Variants in FSHR observed in about 807,000 individuals in gnomAD.
The protein encoded by FSHR is follicle-stimulating hormone receptor.
A neutral mutation model predicts 52.1 loss-of-function variants in FSHR; 46 were observed. That is an observed-to-expected ratio of 0.88 (90% CI 0.70 to 1.13). The LOEUF is 1.13. FSHR is among the 50% of genes most tolerant of loss of function. The probability of loss-of-function intolerance (pLI) is 0.00; values close to 1 mark genes in which losing one functional copy is unlikely to be tolerated. For missense variants in FSHR, 964 were observed against 834.6 expected (o/e 1.16, Z -1.91); for synonymous variants, 399 against 309.6 (o/e 1.29, Z -3.03).
chr2:49,149,136 A>G (rs1672971763), intron 1 of FSHR, among the ~76,000 whole-genome samples: 1 of 152,062 alleles, frequency 6.6e-6, no homozygotes, highest in South Asian at 2.1e-4. Context: ...GGTAACCAGA[A>G]AAGTTTGAAA....
chr2:48,992,972 C>T (rs923924494), intron 4 of FSHR, among the ~76,000 whole-genome samples: 1 of 152,150 alleles, frequency 6.6e-6, no homozygotes, highest in Admixed American at 6.5e-5. Flanking sequence ...TATTAGGCCT[C>T]TCTGGATCAT....
intron 8 of FSHR, among the ~76,000 whole-genome samples, chr2:48,976,779 T>G (rs1199059772): frequency 1.3e-5 from 2 of 152,222 alleles, no homozygotes; most frequent in Non-Finnish European, 2.9e-5. Flanking sequence ...TAGAGGTGTT[T>G]ATAGTATTCT....
chr2:49,114,836 G>A (rs1323084059), intron 1 of FSHR, among the ~76,000 whole-genome samples: 1 of 152,038 alleles, frequency 6.6e-6, no homozygotes, highest in African/African-American at 2.4e-5. Flanking sequence ...GCTCAGAGAT[G>A]AATATTGTTA....
Position 49,044,618 on chromosome 2 carries a change from G to C in FSHR, c.224+23601C>G, listed in dbSNP as rs182163029. ...GAAATGCTACTGGGCCTTGGCTGGA[G>C]GGGAAAGGAGCAAAGAAAGTCTGTT... On this transcript the variant is annotated intron_variant, in intron 2 of 9. Transcript: ENST00000406846. 2.5e-3 allele frequency among the ~76,000 whole-genome samples: 383 copies of C among 152,226 alleles called. 1 individual carries two copies. The highest frequency in any genetic ancestry group is 4.5e-3 in the Non-Finnish European group (303 of 68,024).
intron 4 of FSHR, among the ~76,000 whole-genome samples, chr2:49,000,994 A>G (rs1666861899): frequency 6.6e-6 from 1 of 152,174 alleles, no homozygotes; most frequent in African/African-American, 2.4e-5. Context: ...TGTAGCACAT[A>G]CCTGACAAAG....
At chr2:49,053,956 G>C (rs1668962165) in intron 2 of FSHR, among the ~76,000 whole-genome samples, 1 of 152,186 alleles carries the variant, frequency 6.6e-6, no homozygotes, top group South Asian at 2.1e-4. Context: ...ATTAGTATTA[G>C]AGAAGTTGAA....
intron 9 of FSHR, among the ~76,000 whole-genome samples, chr2:48,964,910 AG>A (rs947690281): frequency 6.6e-6 from 1 of 152,102 alleles, no homozygotes; most frequent in Non-Finnish European, 1.5e-5. Context: ...CTCTGGATGT[AG>A]AAACAAGAAA....
intron 2 of FSHR, among the ~76,000 whole-genome samples, chr2:49,045,000 T>C (rs1297301915): frequency 6.6e-6 from 1 of 152,236 alleles, no homozygotes; most frequent in Non-Finnish European, 1.5e-5. Flanking sequence ...ACTGCAACAG[T>C]ACTTTTATAA....
At chr2:49,087,078 T>TTTTTTC (rs1670426923) in intron 1 of FSHR, among the ~76,000 whole-genome samples, 1 of 144,218 alleles carries the variant, frequency 6.9e-6, no homozygotes, top group Non-Finnish European at 1.5e-5. Context: ...GGGTTTTTTT[T>TTTTTTC]TTTTTTTTTT....
At chr2:49,112,513 ATT>A (rs1671457728) in intron 1 of FSHR, among the ~76,000 whole-genome samples, 2 of 152,200 alleles carry the variant, frequency 1.3e-5, no homozygotes, top group South Asian at 4.1e-4. Context: ...TTTGCTGTAC[ATT>A]TTTTAATATG....
intron 1 of FSHR, among the ~76,000 whole-genome samples, chr2:49,137,416 C>T (rs1384852911): frequency 6.6e-6 from 1 of 152,030 alleles, no homozygotes; most frequent in Non-Finnish European, 1.5e-5. Flanking sequence ...GCAATACTCC[C>T]TAAACTAGTC....
At chr2:49,087,254 G>A (rs566875999) in intron 1 of FSHR, among the ~76,000 whole-genome samples, 211 of 152,012 alleles carry the variant, frequency 1.4e-3, no homozygotes, top group Non-Finnish European at 2.3e-3. Context: ...GCCAGATCAG[G>A]GTGGAAAGGA....
chr2:49,076,514 G>C lies in FSHR; in HGVS notation c.153-8224C>G, dbSNP rs1452686583. Among the ~76,000 whole-genome samples, 4 of 152,208 alleles carry C rather than the reference G, an allele frequency of 2.6e-5. No individual in the cohort carries two copies. The East Asian group carries it at 7.7e-4, about 29-fold the overall frequency. ...GAATTCAAGATAAGAGTTGAGTGGG[G>C]ACACAGAGCCAAACCATATCATTCT... On this transcript the variant is annotated intron_variant, in intron 1 of 9. Transcript: ENST00000406846.
chr2:49,088,797 C>T (rs1172234849), intron 1 of FSHR, among the ~76,000 whole-genome samples: 2 of 152,128 alleles, frequency 1.3e-5, no homozygotes, highest in South Asian at 2.1e-4. Flanking sequence ...GACTGACAGT[C>T]ACTGAGAATG....
chr2:49,012,605 C>T (rs1667314203), intron 4 of FSHR, among the ~76,000 whole-genome samples: 1 of 152,122 alleles, frequency 6.6e-6, no homozygotes, highest in African/African-American at 2.4e-5. Flanking sequence ...TAGCAACTCA[C>T]CCCTACCCCT....
At chr2:48,998,334 G>T (rs1035852448) in intron 4 of FSHR, among the ~76,000 whole-genome samples, 1 of 152,112 alleles carries the variant, frequency 6.6e-6, no homozygotes, top group Non-Finnish European at 1.5e-5. Context: ...TGGGAAACAT[G>T]TATGGAAATT....
At chr2:49,013,153 C>G (rs1176808723) in intron 4 of FSHR, among the ~76,000 whole-genome samples, 4 of 149,306 alleles carry the variant, frequency 2.7e-5, no homozygotes, top group Non-Finnish European at 5.9e-5. Context: ...CACTCTCACT[C>G]TTGGTACTAT....
chr2:48,986,503 T>C (rs1675522811), intron 6 of FSHR, among the ~76,000 whole-genome samples: 1 of 151,064 alleles, frequency 6.6e-6, no homozygotes, highest in Non-Finnish European at 1.5e-5. Context: ...TTGTGTTAAG[T>C]ATGAATTACA....
intron 4 of FSHR, among the ~76,000 whole-genome samples, chr2:48,991,193 A>AG (rs1675758740): frequency 6.6e-6 from 1 of 152,162 alleles, no homozygotes. Flanking sequence ...TGAAAATTTC[A>AG]GACCTACCCA....
Sources: gnomAD v4.1 joint callset for allele counts (sites outside exome capture counted in the v4.1 genomes callset) on GRCh38, gnomAD v4.1.1 for gene constraint, MANE v1.5 for transcripts, NCBI Gene and HGNC (gene_info 2026-07-23, HGNC 2026-07-21) for gene names.